The following TAFA2 variants were observed in gnomAD, a reference collection of about 807,000 sequenced individuals.
The protein encoded by TAFA2 is chemokine-like protein TAFA-2.
A neutral mutation model predicts 18.8 loss-of-function variants in TAFA2; 7 were observed. That is an observed-to-expected ratio of 0.37 (90% CI 0.21 to 0.70). The LOEUF (loss-of-function observed/expected upper bound fraction) is 0.70. TAFA2 is among the 30% of genes least tolerant of loss of function. The pLI is 0.53. For synonymous variants in TAFA2, 60 were observed against 54.2 expected (o/e 1.11, Z -0.47); for missense variants, 122 against 158.1 (o/e 0.77, Z 1.23).
intron 2 of TAFA2, among the ~76,000 whole-genome samples, chr12:61,850,555 A>G (rs979026834): frequency 1.3e-5 from 2 of 152,116 alleles, no homozygotes; most frequent in African/African-American, 2.4e-5. Context: ...CAATAATGGT[A>G]TAACTTCATT....
chr12:61,852,096 A>G (rs1565656470), intron 2 of TAFA2, among the ~76,000 whole-genome samples: 1 of 151,578 alleles, frequency 6.6e-6, no homozygotes, highest in African/African-American at 2.4e-5. Flanking sequence ...AATCCCAGCT[A>G]CTCAAGAGGC....
intron 1 of TAFA2, among the ~76,000 whole-genome samples, chr12:61,952,214 A>G (rs538985789): frequency 6.6e-6 from 1 of 152,204 alleles, no homozygotes; most frequent in Non-Finnish European, 1.5e-5. Flanking sequence ...TGCACAGCCC[A>G]TTTTACACCA....
chr12:62,071,117 T>C (rs1276287997), intron 1 of TAFA2, among the ~76,000 whole-genome samples: 1 of 152,192 alleles, frequency 6.6e-6, no homozygotes, highest in Non-Finnish European at 1.5e-5. Context: ...GAAGAGAATC[T>C]GTGGAGTTCC....
chr12:62,128,692 T>C (rs79275502), intron 1 of TAFA2, among the ~76,000 whole-genome samples: 2,713 of 152,124 alleles, frequency 0.018, 76 homozygotes, highest in African/African-American at 0.06. Flanking sequence ...ATGCCCCTTG[T>C]TCCCAGAATA....
chr12:62,003,962 C>A (rs17125631), intron 1 of TAFA2, among the ~76,000 whole-genome samples: 1 of 151,878 alleles, frequency 6.6e-6, no homozygotes, highest in African/African-American at 2.4e-5. Flanking sequence ...CATATGTTAC[C>A]GTCTAAAAGT....
intron 4 of TAFA2, among the ~76,000 whole-genome samples, chr12:61,715,754 A>C (rs1275175314): frequency 6.6e-6 from 1 of 151,788 alleles, no homozygotes; most frequent in Non-Finnish European, 1.5e-5. Flanking sequence ...TCTACAAAAA[A>C]AAAAAAAATT....
chr12:61,764,730 T>G (rs557037920), intron 2 of TAFA2, among the ~76,000 whole-genome samples: 2 of 152,244 alleles, frequency 1.3e-5, no homozygotes, highest in East Asian at 3.9e-4. Context: ...TATTACAGAT[T>G]TTTAACCCCT....
At chr12:61,794,841 G>T (rs1330045464) in intron 2 of TAFA2, among the ~76,000 whole-genome samples, 4 of 151,986 alleles carry the variant, frequency 2.6e-5, no homozygotes, top group Non-Finnish European at 4.4e-5. Context: ...CTGACAAAGG[G>T]CTAATATCCA....
intron 1 of TAFA2, among the ~76,000 whole-genome samples, chr12:61,918,907 G>A (rs1047335013): frequency 2.0e-5 from 3 of 152,144 alleles, no homozygotes; most frequent in Non-Finnish European, 4.4e-5. Flanking sequence ...GTGTCAGAAA[G>A]ACCTGAATTA....
intron 1 of TAFA2, among the ~76,000 whole-genome samples, chr12:62,034,273 C>A (rs983332851): frequency 1.3e-5 from 2 of 152,070 alleles, no homozygotes; most frequent in South Asian, 2.1e-4. Flanking sequence ...CAAACCCACA[C>A]TGTAAGGGAC....
At chr12:62,067,261 GGTT>G (rs1292237426) in intron 1 of TAFA2, among the ~76,000 whole-genome samples, 5 of 151,840 alleles carry the variant, frequency 3.3e-5, no homozygotes, top group Non-Finnish European at 7.4e-5. Flanking sequence ...CCATTCTTTG[GGTT>G]GTATCTTCAC....
intron 1 of TAFA2, among the ~76,000 whole-genome samples, chr12:62,200,930 C>CCTTGAA (rs2062668331): frequency 6.6e-6 from 1 of 152,012 alleles, no homozygotes; most frequent in Non-Finnish European, 1.5e-5. Context: ...AGCAGTGGTT[C>CCTTGAA]GTAGTTCTCC....
At chr12:62,234,620 A>T in intron 1 of TAFA2, 1 of 825,430 alleles carries the variant, frequency 1.2e-6, no homozygotes, top group Non-Finnish European at 2.1e-6. Flanking sequence ...AGGGCCTCTC[A>T]CCCATGTGCT....
intron 1 of TAFA2, among the ~76,000 whole-genome samples, chr12:62,203,124 T>A (rs2062678668): frequency 6.6e-6 from 1 of 151,978 alleles, no homozygotes; most frequent in African/African-American, 2.4e-5. Context: ...ACCACACCCA[T>A]CTTACATGTA....
At chr12:61,889,727 G>A (rs1487979001) in intron 1 of TAFA2, among the ~76,000 whole-genome samples, 1 of 152,200 alleles carries the variant, frequency 6.6e-6, no homozygotes, top group African/African-American at 2.4e-5. Context: ...CAACCGCTAT[G>A]TTGGGAATCT....
intron 1 of TAFA2, among the ~76,000 whole-genome samples, chr12:61,896,377 A>T (rs1443421990): frequency 1.3e-5 from 2 of 152,202 alleles, no homozygotes; most frequent in Non-Finnish European, 2.9e-5. Context: ...AACATTACGA[A>T]ATATTTAATA....
At chr12:62,209,771 C>T (rs2062706056) in intron 1 of TAFA2, among the ~76,000 whole-genome samples, 1 of 152,132 alleles carries the variant, frequency 6.6e-6, no homozygotes, top group Admixed American at 6.5e-5. Context: ...AATTTTTTAA[C>T]CAAAAGTGGG....
At chr12:61,768,055 A>G (rs187238968) in intron 2 of TAFA2, among the ~76,000 whole-genome samples, 275 of 152,244 alleles carry the variant, frequency 1.8e-3, no homozygotes, top group Non-Finnish European at 3.3e-3. Flanking sequence ...ACTACTAACC[A>G]TGAGATCACT....
At chr12:61,974,256 G>T (rs1879354276) in intron 1 of TAFA2, among the ~76,000 whole-genome samples, 2 of 151,612 alleles carry the variant, frequency 1.3e-5, no homozygotes, top group Admixed American at 1.3e-4. Flanking sequence ...TAAAAAGAAA[G>T]AATATTACTG....
Sources: gnomAD v4.1 joint callset for allele counts (sites outside exome capture counted in the v4.1 genomes callset) on GRCh38, gnomAD v4.1.1 for gene constraint, MANE v1.5 for transcripts, NCBI Gene and HGNC (gene_info 2026-07-23, HGNC 2026-07-21) for gene names.